Variants in DLG2 observed in about 807,000 individuals in gnomAD.
The protein encoded by DLG2 is discs large MAGUK scaffold protein 2, also known as disks large homolog 2.
Under a neutral mutation model 132.5 loss-of-function variants are expected in DLG2, and 45 were observed. That is an observed-to-expected ratio of 0.34 (90% CI 0.27 to 0.44). DLG2 has a LOEUF of 0.44. DLG2 is among the 20% of genes least tolerant of loss of function. The pLI is 1.00. For synonymous variants in DLG2, 424 were observed against 419.6 expected (o/e 1.01, Z -0.13); for missense variants, 1,045 against 1,196.9 (o/e 0.87, Z 1.87).
At chr11:84,730,270 G>A (rs77670208) in intron 6 of DLG2, among the ~76,000 whole-genome samples, 162 of 152,126 alleles carry the variant, frequency 1.1e-3, no homozygotes, top group African/African-American at 3.5e-3. Flanking sequence ...CAAAAAAAGG[G>A]GAGGAGGTTG....
intron 3 of DLG2, among the ~76,000 whole-genome samples, chr11:85,350,144 G>A (rs969807753): frequency 1.3e-5 from 2 of 152,204 alleles, no homozygotes; most frequent in Non-Finnish European, 2.9e-5. Flanking sequence ...GTTTTGATTT[G>A]CATTTCTCTG....
intron 6 of DLG2, among the ~76,000 whole-genome samples, chr11:85,022,024 T>C (rs2060118195): frequency 6.6e-6 from 1 of 152,070 alleles, no homozygotes; most frequent in Non-Finnish European, 1.5e-5. Context: ...TAAAACTAAA[T>C]ACATCCTAGC....
chr11:85,344,431 G>C, intron 3 of DLG2, among the ~76,000 whole-genome samples: 1 of 152,066 alleles, frequency 6.6e-6, no homozygotes, highest in Non-Finnish European at 1.5e-5. Context: ...CAGAAATAAA[G>C]CCCAACATAA....
At chr11:83,887,966 AT>A (rs2068448031) in intron 15 of DLG2, among the ~76,000 whole-genome samples, 1 of 138,568 alleles carries the variant, frequency 7.2e-6, no homozygotes, top group African/African-American at 2.7e-5. Flanking sequence ...AATAAGAGCT[AT>A]CTATGACAAA....
At chr11:84,366,074 T>C (rs1413254648) in intron 7 of DLG2, among the ~76,000 whole-genome samples, 1 of 151,884 alleles carries the variant, frequency 6.6e-6, no homozygotes, top group Non-Finnish European at 1.5e-5. Flanking sequence ...AAAGGTTGGG[T>C]TATCCACAAG....
chr11:83,837,262 G>A (rs548660968), intron 16 of DLG2, among the ~76,000 whole-genome samples: 3 of 152,148 alleles, frequency 2.0e-5, no homozygotes, highest in East Asian at 1.9e-4. Context: ...GCCAACTAAC[G>A]CCACCTCATT....
At chr11:85,609,512 G>A (rs1333663340) in intron 2 of DLG2, among the ~76,000 whole-genome samples, 1 of 152,202 alleles carries the variant, frequency 6.6e-6, no homozygotes, top group African/African-American at 2.4e-5. Flanking sequence ...GGTAGGGCTT[G>A]TTATCAGTGT....
rs1185107177 is a variant in DLG2 at position 85,399,362 on chromosome 11, A to T, written c.41-113997T>A. Among the ~76,000 whole-genome samples the T allele has an allele frequency of 2.6e-5, 4 of 152,196 alleles. No homozygotes were observed. In the South Asian group the frequency reaches 6.2e-4, roughly 24 times the overall value. On this transcript the variant is annotated intron_variant, in intron 3 of 27. Coordinates refer to ENST00000376104, the MANE Select transcript of DLG2 (RefSeq NM_001142699.3). ...TGAAAATGGCCATACTGCCCAAGGT[A>T]ATTTATAGATTCAATGCCATCCCCA...
At chr11:84,125,604 G>A (rs1311816989) in intron 9 of DLG2, among the ~76,000 whole-genome samples, 2 of 152,240 alleles carry the variant, frequency 1.3e-5, no homozygotes, top group South Asian at 4.1e-4. Flanking sequence ...TAGATCACAA[G>A]TTCTACCACT....
intron 6 of DLG2, among the ~76,000 whole-genome samples, chr11:84,600,222 A>AAGAG (rs533347105): frequency 1.6e-5 from 2 of 121,272 alleles, no homozygotes; most frequent in South Asian, 2.9e-4. Context: ...GAAAGAAAGA[A>AAGAG]AGAGAAAGAA....
chr11:85,567,159 C>A (rs1214048711), intron 3 of DLG2, among the ~76,000 whole-genome samples: 1 of 152,112 alleles, frequency 6.6e-6, no homozygotes, highest in East Asian at 1.9e-4. Flanking sequence ...ATTTGAGACG[C>A]CCTCATAATT....
At chr11:85,071,392 T>G (rs2065843212) in intron 6 of DLG2, among the ~76,000 whole-genome samples, 1 of 151,854 alleles carries the variant, frequency 6.6e-6, no homozygotes, top group Non-Finnish European at 1.5e-5. Flanking sequence ...TGGCTGTGAA[T>G]TATTAATAGT....
At chr11:85,528,594 A>C (rs373565044) in intron 3 of DLG2, among the ~76,000 whole-genome samples, 3 of 152,322 alleles carry the variant, frequency 2.0e-5, no homozygotes, top group East Asian at 1.9e-4. Flanking sequence ...CCTGAGTTGA[A>C]TTTATGCATA....
intron 18 of DLG2, among the ~76,000 whole-genome samples, chr11:83,642,605 T>C (rs566741195): frequency 2.0e-5 from 3 of 152,156 alleles, no homozygotes; most frequent in East Asian, 3.9e-4. Flanking sequence ...TTTGGCTTCA[T>C]GCATGCTTTG....
At chr11:84,273,305 G>GGA in intron 7 of DLG2, 1 of 436,312 alleles carries the variant, frequency 2.3e-6, no homozygotes, top group Non-Finnish European at 2.9e-6. Context: ...CAGTTGAAGA[G>GGA]GAAAAAAAAA....
intron 7 of DLG2, among the ~76,000 whole-genome samples, chr11:84,302,691 T>C (rs1218868989): frequency 6.6e-6 from 1 of 152,240 alleles, no homozygotes; most frequent in African/African-American, 2.4e-5. Flanking sequence ...AAGCTTGTAT[T>C]ATATTTAAAC....
At chr11:84,473,247 C>T (rs2099113209) in intron 7 of DLG2, among the ~76,000 whole-genome samples, 1 of 151,974 alleles carries the variant, frequency 6.6e-6, no homozygotes, top group African/African-American at 2.4e-5. Context: ...TCTGGTGAAT[C>T]CTTGTCCACT....
intron 7 of DLG2, among the ~76,000 whole-genome samples, chr11:84,299,905 C>T (rs2098133500): frequency 6.6e-6 from 1 of 152,036 alleles, no homozygotes; most frequent in African/African-American, 2.4e-5. Context: ...CCAGAAGGTG[C>T]CCAGCTTTGA....
chr11:85,464,043 T>C (rs1597557399), intron 3 of DLG2, among the ~76,000 whole-genome samples: 1 of 58,162 alleles, frequency 1.7e-5, no homozygotes, highest in Admixed American at 1.6e-4. Flanking sequence ...GAGAGAGAGA[T>C]TGAAAGGGGA....
Sources: gnomAD v4.1 joint callset for allele counts (sites outside exome capture counted in the v4.1 genomes callset) on GRCh38, gnomAD v4.1.1 for gene constraint, MANE v1.5 for transcripts, NCBI Gene and HGNC (gene_info 2026-07-23, HGNC 2026-07-21) for gene names.